MTCL2: variants seen among roughly 807,000 people sequenced by gnomAD.
The protein encoded by MTCL2 is microtubule cross-linking factor 2.
chr20:36,796,793 G>C, the MTCL2 span: 1 of 1,287,712 alleles, frequency 7.8e-7, no homozygotes, highest in Non-Finnish European at 1.1e-6. Flanking sequence ...AAAGCAGGTA[G>C]AGTGGGTGCA....
the MTCL2 span, chr20:36,786,013 G>A: frequency 1.0e-6 from 1 of 986,366 alleles, no homozygotes; most frequent in Non-Finnish European, 1.2e-6. Flanking sequence ...CAAACATGGA[G>A]CCCTAGAGCA....
At chr20:36,801,820 C>T in the MTCL2 span, among the ~76,000 whole-genome samples, 9 of 149,440 alleles carry the variant, frequency 6.0e-5, no homozygotes, top group Non-Finnish European at 8.9e-5. Flanking sequence ...AAAAATTAGC[C>T]GGGTGTGGTG....
chr20:36,816,804 G>A, the MTCL2 span, among the ~76,000 whole-genome samples: 1 of 152,220 alleles, frequency 6.6e-6, no homozygotes, highest in African/African-American at 2.4e-5. Flanking sequence ...TGGCAGTCAA[G>A]TGGCAGAGCC....
chr20:36,837,824 G>T, the MTCL2 span, among the ~76,000 whole-genome samples: 1 of 151,812 alleles, frequency 6.6e-6, no homozygotes, highest in African/African-American at 2.4e-5. Context: ...TGATCTGCCC[G>T]CCTCGGCCTC....
chr20:36,854,580 G>A, the MTCL2 span, among the ~76,000 whole-genome samples: 2 of 152,168 alleles, frequency 1.3e-5, no homozygotes, highest in Admixed American at 1.3e-4. Flanking sequence ...GTGAGGCTGT[G>A]GGAGGCAGGA....
chr20:36,842,701 G>A, the MTCL2 span, among the ~76,000 whole-genome samples: 4 of 152,212 alleles, frequency 2.6e-5, no homozygotes, highest in African/African-American at 7.2e-5. Flanking sequence ...GAACCTGGGA[G>A]GCAGAGGTTG....
At chr20:36,814,143 A>G in the MTCL2 span, among the ~76,000 whole-genome samples, 7 of 152,108 alleles carry the variant, frequency 4.6e-5, no homozygotes, top group African/African-American at 1.4e-4. Flanking sequence ...CACTGACATG[A>G]TATTTTGGGT....
At chr20:36,821,642 C>T in the MTCL2 span, among the ~76,000 whole-genome samples, 1 of 152,098 alleles carries the variant, frequency 6.6e-6, no homozygotes, top group Non-Finnish European at 1.5e-5. Flanking sequence ...TGCTTGAGCC[C>T]GCAAGGTGGA....
the MTCL2 span, among the ~76,000 whole-genome samples, chr20:36,830,763 C>A: frequency 3.9e-4 from 60 of 152,300 alleles, no homozygotes; most frequent in Non-Finnish European, 7.1e-4. Flanking sequence ...ACAGGGTCAA[C>A]CTTACAGGCC....
chr20:36,785,306 C>T, the MTCL2 span: 2 of 985,210 alleles, frequency 2.0e-6, no homozygotes, highest in South Asian at 9.4e-5. Context: ...TCATGTTGTC[C>T]CAGTGGCAAG....
At chr20:36,800,455 G>C in the MTCL2 span, among the ~76,000 whole-genome samples, 3 of 152,178 alleles carry the variant, frequency 2.0e-5, no homozygotes, top group Non-Finnish European at 2.9e-5. Context: ...CAGCCTCCTA[G>C]CAAGTGTGAA....
At chr20:36,837,961 A>G in the MTCL2 span, among the ~76,000 whole-genome samples, 1 of 152,224 alleles carries the variant, frequency 6.6e-6, no homozygotes, top group South Asian at 2.1e-4. Flanking sequence ...ACTGAAATTG[A>G]TGACTTTGCT....
chr20:36,808,068 G>T, the MTCL2 span, among the ~76,000 whole-genome samples: 1 of 149,548 alleles, frequency 6.7e-6, no homozygotes. Flanking sequence ...GTAGAGACGG[G>T]GTTTCACCAT....
At chr20:36,815,135 T>C in the MTCL2 span, 8 of 1,587,688 alleles carry the variant, frequency 5.0e-6, no homozygotes, top group Admixed American at 1.8e-5. The surrounding 1 kb of genome is among the most constrained non-coding windows in gnomAD (Gnocchi z 5.3). Context: ...CCTGAAAGTC[T>C]GAGCCAAGGT....
At chr20:36,824,279 A>G in the MTCL2 span, among the ~76,000 whole-genome samples, 1 of 152,236 alleles carries the variant, frequency 6.6e-6, no homozygotes, top group Non-Finnish European at 1.5e-5. Flanking sequence ...AACAACCCAG[A>G]TAAATGGACA....
At chr20:36,786,326 G>T in the MTCL2 span, 22 of 1,333,418 alleles carry the variant, frequency 1.6e-5, no homozygotes, top group East Asian at 5.8e-4. Flanking sequence ...GCTTTACCTT[G>T]ATGTGAAAGC....
At chr20:36,833,939 G>C in the MTCL2 span, among the ~76,000 whole-genome samples, 1 of 152,220 alleles carries the variant, frequency 6.6e-6, no homozygotes, top group South Asian at 2.1e-4. Flanking sequence ...GAGGCCGGCA[G>C]ATCACTTGAG....
chr20:36,839,184 C>T, the MTCL2 span: 1 of 1,567,476 alleles, frequency 6.4e-7, no homozygotes, highest in Non-Finnish European at 8.6e-7. The surrounding 1 kb of genome is among the most constrained non-coding windows in gnomAD (Gnocchi z 5.1). Context: ...GTGGTCCCAT[C>T]CCAGCAACAA....
At chr20:36,851,658 G>A in the MTCL2 span, among the ~76,000 whole-genome samples, 99 of 152,272 alleles carry the variant, frequency 6.5e-4, 1 homozygote, top group African/African-American at 2.2e-3. Context: ...GGCCCATTAC[G>A]TCCATCTTAA....
Sources: allele counts gnomAD v4.1 joint callset (sites outside exome capture counted in the v4.1 genomes callset), GRCh38; gene constraint gnomAD v4.1.1; non-coding constraint Gnocchi (gnomAD v3.1); transcripts MANE v1.5; gene names NCBI Gene and HGNC (gene_info 2026-07-23, HGNC 2026-07-21).